The following DNA2 variants were observed in gnomAD, a reference collection of about 807,000 sequenced individuals.
DNA2 encodes DNA replication helicase/nuclease 2, also known as DNA replication ATP-dependent helicase/nuclease DNA2.
A neutral mutation model predicts 119.1 loss-of-function variants in DNA2; 101 were observed. The ratio of observed to expected loss-of-function variants is 0.85; its 90% CI spans 0.72 to 1.00. The LOEUF (loss-of-function observed/expected upper bound fraction) is 1.00. Ranked by LOEUF, DNA2 falls within the 50% of genes least tolerant of loss-of-function variation. The pLI, the probability that DNA2 is intolerant of heterozygous loss-of-function variation, is 0.00. For synonymous variants in DNA2, 366 were observed against 424.4 expected, an observed-to-expected ratio of 0.86 and a Z score of 1.69; for missense variants, 1,121 against 1,255.5, an observed-to-expected ratio of 0.89 and a Z score of 1.62.
Position 68,456,752 on chromosome 10 carries a change from A to G in DNA2, c.719+2352T>C, listed in dbSNP as rs2052187211. ...TTTTTAGATCACAAAATGTTATAAA[A>G]TATTGAAAATATTGAGAGAACATTG... On this transcript the variant is annotated intron_variant, in intron 5 of 20. Coordinates refer to ENST00000358410, the MANE Select transcript of DNA2 (RefSeq NM_001080449.3). Among the ~76,000 whole-genome samples the G allele has an allele frequency of 2.0e-5, 3 of 152,028 alleles. No individual in the cohort carries two copies. In the South Asian group the frequency reaches 6.2e-4, roughly 32 times the overall value.
chr10:68,428,258 G>C (rs866164591), intron 14 of DNA2, among the ~76,000 whole-genome samples: 2 of 150,842 alleles, frequency 1.3e-5, no homozygotes, highest in East Asian at 3.9e-4. Flanking sequence ...GCTGGAAGGC[G>C]GAGCTTGCAG....
chr10:68,469,953 T>G, intron 2 of DNA2, 28 bp downstream of exon 2: 1 of 1,577,996 alleles, frequency 6.3e-7, no homozygotes, highest in Admixed American at 2.0e-5. Context: ...AAGATTCAAA[T>G]CGGTGCTCAA....
intron 9 of DNA2, among the ~76,000 whole-genome samples, chr10:68,439,838 CAAA>C (rs371354812): frequency 8.1e-6 from 1 of 122,716 alleles, no homozygotes; most frequent in Non-Finnish European, 1.8e-5. Flanking sequence ...AATTCTGTCT[CAAA>C]AAAAAAAAAA....
intron 4 of DNA2, among the ~76,000 whole-genome samples, chr10:68,460,064 C>G (rs971115044): frequency 6.8e-6 from 1 of 146,596 alleles, no homozygotes; most frequent in Non-Finnish European, 1.5e-5. Context: ...CACACACATA[C>G]AAGTTAACAT....
intron 6 of DNA2, 110 bp downstream of exon 6, chr10:68,449,918 G>A: frequency 1.3e-6 from 1 of 748,454 alleles, no homozygotes; most frequent in South Asian, 1.9e-5. Context: ...AGCTTTCAGT[G>A]AGCCAAGACC....
intron 9 of DNA2, among the ~76,000 whole-genome samples, chr10:68,441,429 C>A (rs2051967360): frequency 6.6e-6 from 1 of 151,294 alleles, no homozygotes; most frequent in South Asian, 2.1e-4. Context: ...ATGAAATGGA[C>A]CTTTAGAAAA....
At chr10:68,423,301 AAAG>A (rs993237230) in intron 14 of DNA2, among the ~76,000 whole-genome samples, 3 of 152,034 alleles carry the variant, frequency 2.0e-5, no homozygotes, top group Non-Finnish European at 2.9e-5. Flanking sequence ...AAAAAAAACA[AAAG>A]AAGACTCTGA....
intron 5 of DNA2, among the ~76,000 whole-genome samples, chr10:68,457,021 C>T (rs1322975942): frequency 6.6e-6 from 1 of 151,614 alleles, no homozygotes; most frequent in Admixed American, 6.6e-5. Context: ...GTAGTCCCAG[C>T]TACTCAGGAG....
chr10:68,465,615 A>G, intron 4 of DNA2, 52 bp downstream of exon 4: 1 of 1,349,142 alleles, frequency 7.4e-7, no homozygotes, highest in Non-Finnish European at 1.0e-6. Flanking sequence ...AGTTTCTAGG[A>G]CAGAAGTTAT....
At chr10:68,470,259 G>T (rs1313334564) in intron 1 of DNA2, 96 bp from the exon 2 acceptor site, 7 of 1,128,438 alleles carry the variant, frequency 6.2e-6, no homozygotes, top group African/African-American at 1.6e-5. Context: ...AGTTTTCTAG[G>T]TTTCTTTCTT....
At chr10:68,417,018 TG>T (rs2051597674) in intron 19 of DNA2, among the ~76,000 whole-genome samples, 163 bp from the exon 20 acceptor site, 1 of 151,898 alleles carries the variant, frequency 6.6e-6, no homozygotes, top group Admixed American at 6.6e-5. Flanking sequence ...CCGAGGCAGG[TG>T]GATCACTGGA....
At position 68,471,946 on chromosome 10, in the gene DNA2, G is replaced by A. The variant is rs895436827; in HGVS notation, c.-82C>T. 12 of 1,613,174 alleles carry A rather than the reference G, an allele frequency of 7.4e-6. No individual in the cohort carries two copies. The Middle Eastern group carries it at 5.0e-4, about 67-fold the overall frequency. On this transcript the variant is annotated 5_prime_UTR_variant, in exon 1 of 21. Transcript: ENST00000358410. The stretch of plus-strand genomic sequence containing the variant: ...ACAGAAAGCTTAGAAAAGGGAAAAA[G>A]GCGCGAGCCTGCGCACCTCGCGCGC...
intron 3 of DNA2, among the ~76,000 whole-genome samples, chr10:68,467,175 G>C (rs1477423694): frequency 6.6e-6 from 1 of 151,934 alleles, no homozygotes; most frequent in Non-Finnish European, 1.5e-5. Context: ...GTGCAGTGGT[G>C]GGATCTCAGC....
intron 19 of DNA2, 63 bp downstream of exon 19, chr10:68,418,971 C>A: frequency 1.3e-6 from 2 of 1,483,260 alleles, no homozygotes; most frequent in Non-Finnish European, 1.8e-6. Context: ...CCGCGCCCGG[C>A]CCACAATTTT....
Position 68,459,199 on chromosome 10 carries a change from T to C in DNA2, c.624A>G (p.Gln208=), listed in dbSNP as rs1374159342. The change falls in exon 5 of 21, where the codon CAA becomes CAG. Residue 208 remains glutamine, a synonymous_variant. Transcript: ENST00000358410. The stretch of plus-strand genomic sequence containing the variant: ...ACGAAGGAAGATAGTCCTCTACTTC[T>C]TGTTTTATTTCATCTTGACTTAGAT... ...RLNLSQDEIK[Q]EVEDYLPSFC... 7.0e-6 allele frequency: 11 copies of C among 1,567,082 alleles called. No homozygotes were observed. Among genetic ancestry groups the C allele is most frequent in the Non-Finnish European group, 9.5e-6 (11 of 1,154,954 alleles).
At chr10:68,437,645 C>T (rs1005818125) in intron 9 of DNA2, among the ~76,000 whole-genome samples, 5 of 115,718 alleles carry the variant, frequency 4.3e-5, no homozygotes, top group Non-Finnish European at 8.2e-5. Context: ...AGCAAAACCA[C>T]CTCTCAAAAA....
chr10:68,422,576 T>A lies in DNA2; in HGVS notation c.2431A>T (p.Lys811Ter), dbSNP rs376219556. The A allele has an allele frequency of 6.2e-7, 1 of 1,613,912 alleles. No individual in the cohort carries two copies. Among genetic ancestry groups the A allele is most frequent in the Non-Finnish European group, 8.5e-7 (1 of 1,179,896 alleles). Residue 811 changes from lysine to a stop codon, truncating the protein, a stop_gained, in exon 16 of 21, where the codon AAG (lysine) becomes TAG (stop). Transcript: ENST00000358410. LOFTEE classifies it high-confidence loss of function. The stretch of plus-strand genomic sequence containing the variant: ...GCACTCTTATTCTGCTCCAGCCTCT[T>A]GAATAAGCTTTCACTCATGCCAAGA... Reference protein sequence around the residue: ...RALGMSESLFKRLEQNKSAVV... With the variant: ...RALGMSESLF
intron 13 of DNA2, among the ~76,000 whole-genome samples, chr10:68,430,903 G>A (rs2051811747): frequency 1.3e-5 from 2 of 152,158 alleles, no homozygotes; most frequent in African/African-American, 4.8e-5. Context: ...GGAGGCTGAG[G>A]CAAGTGGATC....
rs769501366 is a variant in DNA2 at position 68,422,269 on chromosome 10, C to T, written c.2653G>A (p.Val885Ile). The T allele has an allele frequency of 1.1e-5, 18 of 1,612,664 alleles. No homozygotes were observed. The highest frequency in any genetic ancestry group is 8.5e-7 in the Non-Finnish European group (1 of 1,179,442). ...CAAACAGGATTGTTGGGTTCAAATA[C>T]TCCCATCAACCAAGGATTATCAGAA... Reference protein sequence around the residue: ...DYSDNPWLMGVFEPNNPVCFL... With the variant: ...DYSDNPWLMGIFEPNNPVCFL... Residue 885 changes from valine to isoleucine, a missense_variant, in exon 17 of 21, where the codon GTA (valine) becomes ATA (isoleucine). Transcript: ENST00000358410.
Sources: gnomAD v4.1 joint callset for allele counts (sites outside exome capture counted in the v4.1 genomes callset) on GRCh38, gnomAD v4.1.1 for gene constraint, MANE v1.5 for transcripts, NCBI Gene and HGNC (gene_info 2026-07-23, HGNC 2026-07-21) for gene names.